The following DNM3 variants were observed in gnomAD, a reference collection of about 807,000 sequenced individuals.
DNM3 encodes the protein dynamin-3.
A neutral mutation model predicts 101.6 loss-of-function variants in DNM3; 47 were observed. That is an observed-to-expected ratio of 0.46 (90% CI 0.37 to 0.59). The LOEUF is 0.59. Among genes scored for constraint, DNM3 ranks in the 20% least tolerant of loss-of-function variants. The pLI, the probability that DNM3 is intolerant of heterozygous loss-of-function variation, is 0.00. For missense variants in DNM3, 849 were observed against 1,085.7 expected (o/e 0.78, Z 3.06); for synonymous variants, 385 against 387.9 (o/e 0.99, Z 0.09).
intron 10 of DNM3, among the ~76,000 whole-genome samples, chr1:172,049,461 A>T (rs1198821350): frequency 6.6e-6 from 1 of 152,204 alleles, no homozygotes; most frequent in Non-Finnish European, 1.5e-5. Context: ...AGCAGTCAGT[A>T]TTCTCTACCC....
At chr1:171,858,652 C>A (rs557046413) in intron 1 of DNM3, among the ~76,000 whole-genome samples, 1 of 152,210 alleles carries the variant, frequency 6.6e-6, no homozygotes, top group East Asian at 1.9e-4. Flanking sequence ...CCATGGTAAT[C>A]GGTATTTTTC....
At position 172,133,042 on chromosome 1, in the gene DNM3, A is replaced by T; in HGVS notation, c.1659+1754A>T. ...TCCCAGAGATGCCTGGAGTTGTCCA[A>T]GCCAACCTCATCCCACAGAGGACTT... is the stretch of plus-strand genomic sequence containing the variant. On this transcript the variant is annotated intron_variant, in intron 14 of 20. Transcript: ENST00000627582. 5 of 1,483,960 alleles carry T rather than the reference A, an allele frequency of 3.4e-6. No individual in the cohort carries two copies. The South Asian group carries it at 7.0e-5, about 21-fold the overall frequency. The allele number at this position is 1,483,960 out of a possible 1,614,324, so 91.9% of individuals were successfully genotyped here. A position where few individuals can be genotyped will look rare whatever the true frequency, so the allele number is the denominator to read the frequency against.
At chr1:171,967,154 A>G (rs1213824938) in intron 2 of DNM3, among the ~76,000 whole-genome samples, 3 of 152,118 alleles carry the variant, frequency 2.0e-5, no homozygotes, top group African/African-American at 7.2e-5. Flanking sequence ...TCACAGGCCT[A>G]AGAGGTAAAA....
At chr1:172,407,690 T>C in intron 20 of DNM3, 82 bp from the exon 21 acceptor site, 1 of 1,423,868 alleles carries the variant, frequency 7.0e-7, no homozygotes, top group South Asian at 1.1e-5. Flanking sequence ...ATGTGTGTAA[T>C]GGCTCTTTCT....
intron 4 of DNM3, among the ~76,000 whole-genome samples, chr1:171,992,370 T>G (rs961343934): frequency 6.6e-6 from 1 of 152,064 alleles, no homozygotes; most frequent in African/African-American, 2.4e-5. Context: ...GGAATCAATA[T>G]CCACAAAGTC....
chr1:172,188,530 AAT>A (rs1205758878), intron 14 of DNM3, among the ~76,000 whole-genome samples: 1 of 152,132 alleles, frequency 6.6e-6, no homozygotes, highest in Non-Finnish European at 1.5e-5. Context: ...ATTGCTAAAT[AAT>A]ATTCCATTGT....
Position 172,411,683 on chromosome 1 carries a change from C to A in DNM3, c.*3842C>A, listed in dbSNP as rs1320494148. The A allele has an allele frequency of 1.0e-6, 1 of 985,052 alleles. No individual in the cohort carries two copies. The highest frequency in any genetic ancestry group is 1.7e-5 in the African/African-American group (1 of 57,188). 61.0% of individuals were successfully genotyped at this position (985,052 alleles called of 1,614,324 possible). A position where few individuals can be genotyped will look rare whatever the true frequency, so the allele number is the denominator to read the frequency against. ...TAAACATTTTTCATTTGGCAAATGGCATAATTATTTGAAAGTGACAGGAAT... is the reference window on the plus strand; with the variant it reads ...TAAACATTTTTCATTTGGCAAATGGAATAATTATTTGAAAGTGACAGGAAT... On this transcript the variant is annotated 3_prime_UTR_variant, in exon 21 of 21. Transcript: ENST00000627582.
At chr1:172,093,769 A>C in intron 13 of DNM3, 1 of 1,580,328 alleles carries the variant, frequency 6.3e-7, no homozygotes, top group South Asian at 1.2e-5. Context: ...TTTTTCATTT[A>C]GCTTCCCAAG....
chr1:172,207,755 G>A (rs1182491629), intron 14 of DNM3, among the ~76,000 whole-genome samples: 2 of 152,002 alleles, frequency 1.3e-5, no homozygotes, highest in East Asian at 3.9e-4. Context: ...CTCCTCCTGT[G>A]TTTAAAACAG....
chr1:172,405,087 A>G (rs946789634), intron 20 of DNM3, among the ~76,000 whole-genome samples: 6 of 152,048 alleles, frequency 3.9e-5, no homozygotes, highest in Admixed American at 6.6e-5. Context: ...AAATGCCTTA[A>G]AAGTGTAGCA....
chr1:172,327,697 G>A (rs917775809), intron 17 of DNM3, among the ~76,000 whole-genome samples: 6 of 152,160 alleles, frequency 3.9e-5, no homozygotes, highest in African/African-American at 1.4e-4. Context: ...GAAAACTTAA[G>A]CCAATACATG....
At chr1:171,908,836 C>T (rs925385992) in intron 1 of DNM3, among the ~76,000 whole-genome samples, 12 of 151,892 alleles carry the variant, frequency 7.9e-5, no homozygotes, top group Non-Finnish European at 1.8e-4. Context: ...ATATATATTC[C>T]AAGCTTATCT....
intron 17 of DNM3, among the ~76,000 whole-genome samples, chr1:172,325,914 T>A (rs1416033471): frequency 6.6e-6 from 1 of 152,206 alleles, no homozygotes; most frequent in Non-Finnish European, 1.5e-5. Flanking sequence ...GACAGATTCA[T>A]CTTTCCACAT....
At chr1:172,194,121 T>C (rs1018613022) in intron 14 of DNM3, among the ~76,000 whole-genome samples, 22 of 151,988 alleles carry the variant, frequency 1.4e-4, no homozygotes, top group African/African-American at 5.1e-4. Flanking sequence ...ATTATGTACC[T>C]GGTAGTCATT....
At chr1:172,151,671 A>T (rs1306337465) in intron 14 of DNM3, among the ~76,000 whole-genome samples, 1 of 152,106 alleles carries the variant, frequency 6.6e-6, no homozygotes, top group Non-Finnish European at 1.5e-5. Context: ...AAGGATTTGT[A>T]CTTCATTGAG....
chr1:171,849,575 G>A (rs55903231), intron 1 of DNM3, among the ~76,000 whole-genome samples: 6 of 152,296 alleles, frequency 3.9e-5, no homozygotes, highest in African/African-American at 1.2e-4. Flanking sequence ...ATACTTACTT[G>A]TAGATAAGGC....
chr1:172,304,382 T>A (rs1427666207), intron 15 of DNM3, among the ~76,000 whole-genome samples: 1 of 151,892 alleles, frequency 6.6e-6, no homozygotes, highest in Non-Finnish European at 1.5e-5. Flanking sequence ...CCCAGATTCA[T>A]AAAGCAAGTC....
intron 18 of DNM3, chr1:172,380,821 A>G (rs2068854116): frequency 6.6e-6 from 1 of 151,788 alleles, no homozygotes; most frequent in Non-Finnish European, 1.5e-5. Context: ...CATTTTCCTG[A>G]TTAAGGATCA....
chr1:171,986,256 A>G (rs1230183921), intron 2 of DNM3, among the ~76,000 whole-genome samples: 1 of 151,056 alleles, frequency 6.6e-6, no homozygotes, highest in African/African-American at 2.4e-5. Flanking sequence ...TTCTATCTCT[A>G]CCTTTCTTAT....
Sources: allele counts gnomAD v4.1 joint callset (sites outside exome capture counted in the v4.1 genomes callset), GRCh38; gene constraint gnomAD v4.1.1; transcripts MANE v1.5; gene names NCBI Gene and HGNC (gene_info 2026-07-23, HGNC 2026-07-21).